Variants in NAV2 observed in about 807,000 individuals in gnomAD.
NAV2 encodes the protein helicase, APC down-regulated 1.
In NAV2, 54 loss-of-function variants were observed where a neutral mutation model predicts 223.2. That is an observed-to-expected ratio of 0.24 (90% confidence interval 0.19 to 0.30). The LOEUF (loss-of-function observed/expected upper bound fraction) is 0.30, where lower values mean the gene tolerates loss of function less well. NAV2 is among the 10% of genes least tolerant of loss of function. The pLI, the probability that NAV2 is intolerant of heterozygous loss-of-function variation, is 1.00. For missense variants in NAV2, 2,806 were observed against 3,147.5 expected (o/e 0.89, Z 2.60); for synonymous variants, 1,279 against 1,239.3 (o/e 1.03, Z -0.67).
intron 1 of NAV2, among the ~76,000 whole-genome samples, chr11:19,372,475 T>C (rs540340254): frequency 3.3e-5 from 5 of 152,242 alleles, no homozygotes; most frequent in Admixed American, 2.6e-4. Flanking sequence ...TTGGCCTGGG[T>C]ATTAAATAGC....
chr11:19,571,758 C>G (rs1318676254), intron 1 of NAV2, among the ~76,000 whole-genome samples: 1 of 151,766 alleles, frequency 6.6e-6, no homozygotes, highest in Non-Finnish European at 1.5e-5. Context: ...GTCGATTTTA[C>G]TTTCATTAAA....
chr11:19,497,514 TCC>T (rs2042834636), intron 1 of NAV2, among the ~76,000 whole-genome samples: 1 of 152,176 alleles, frequency 6.6e-6, no homozygotes, highest in African/African-American at 2.4e-5. Flanking sequence ...TGTTTGCTAT[TCC>T]TTGGCTTTTC....
At chr11:19,616,376 A>G in intron 1 of NAV2, among the ~76,000 whole-genome samples, 1 of 147,658 alleles carries the variant, frequency 6.8e-6, no homozygotes, top group African/African-American at 2.5e-5. Flanking sequence ...GGCCTCCCCT[A>G]TGTGTGTGTA....
At chr11:19,589,577 A>G (rs370472272) in intron 1 of NAV2, among the ~76,000 whole-genome samples, 16 of 152,348 alleles carry the variant, frequency 1.1e-4, no homozygotes, top group African/African-American at 3.4e-4. Context: ...GGGCATATCC[A>G]TATCCACAAT....
At chr11:19,758,817 G>C (rs917348802) in intron 1 of NAV2, among the ~76,000 whole-genome samples, 15 of 152,288 alleles carry the variant, frequency 9.8e-5, no homozygotes, top group African/African-American at 3.6e-4. Context: ...CTTGTGACTA[G>C]ACCCAGCTGG....
At chr11:20,048,482 T>A (rs2057680437) in intron 14 of NAV2, among the ~76,000 whole-genome samples, 1 of 152,228 alleles carries the variant, frequency 6.6e-6, no homozygotes, top group Non-Finnish European at 1.5e-5. Flanking sequence ...CATGGCTCTT[T>A]GGCTCAGATG....
At chr11:19,732,316 C>T (rs1253645218) in intron 1 of NAV2, among the ~76,000 whole-genome samples, 4 of 152,070 alleles carry the variant, frequency 2.6e-5, no homozygotes, top group Non-Finnish European at 5.9e-5. Flanking sequence ...GTTTCAGCGC[C>T]ATCTCTACTG....
chr11:19,605,956 A>T (rs1167165187), intron 1 of NAV2, among the ~76,000 whole-genome samples: 1 of 152,220 alleles, frequency 6.6e-6, no homozygotes, highest in Admixed American at 6.5e-5. Context: ...CAAGAAATCC[A>T]GGGGCCTGTG....
At chr11:19,986,304 G>A (rs1344927159) in intron 11 of NAV2, among the ~76,000 whole-genome samples, 3 of 152,164 alleles carry the variant, frequency 2.0e-5, no homozygotes. Flanking sequence ...AGACTGGAAT[G>A]CTCCGATATG....
chr11:19,505,911 C>T (rs929247333), intron 1 of NAV2: 7 of 152,194 alleles, frequency 4.6e-5, no homozygotes, highest in African/African-American at 1.7e-4. Context: ...GGATGCAAAG[C>T]CACACTAAGT....
Position 20,101,839 on chromosome 11 carries a change from C to T in NAV2, c.6417+667C>T, listed in dbSNP as rs2061663753. 2.0e-5 allele frequency among the ~76,000 whole-genome samples: 3 copies of T among 152,326 alleles called. No homozygotes were observed. The South Asian group carries it at 6.2e-4, about 32-fold the overall frequency. ...AGCCGAGAGTTGGAAAGTGCTTTCT[C>T]AGACCTGTTCATGCATGCATTAGTG... On this transcript the variant is annotated intron_variant, in intron 32 of 37. Coordinates refer to ENST00000349880, the MANE Select transcript of NAV2 (RefSeq NM_145117.5).
At chr11:20,035,798 T>C (rs2056297773) in intron 11 of NAV2, among the ~76,000 whole-genome samples, 161 bp from the exon 12 acceptor site, 1 of 152,202 alleles carries the variant, frequency 6.6e-6, no homozygotes, top group African/African-American at 2.4e-5. Flanking sequence ...ACAGCAATGA[T>C]TGATGTGGAG....
At chr11:19,561,067 T>C (rs2045078228) in intron 1 of NAV2, among the ~76,000 whole-genome samples, 1 of 152,238 alleles carries the variant, frequency 6.6e-6, no homozygotes, top group South Asian at 2.1e-4. Flanking sequence ...TTCTTCTGAA[T>C]ACACCTGGCA....
intron 1 of NAV2, among the ~76,000 whole-genome samples, chr11:19,424,789 G>T (rs1487179618): frequency 6.6e-6 from 1 of 151,982 alleles, no homozygotes; most frequent in Non-Finnish European, 1.5e-5. Flanking sequence ...GACCTCAAGT[G>T]ATCCGCCCAC....
intron 1 of NAV2, among the ~76,000 whole-genome samples, chr11:19,608,700 C>T (rs2046547374): frequency 6.6e-6 from 1 of 152,210 alleles, no homozygotes; most frequent in Non-Finnish European, 1.5e-5. Context: ...GGATTTCCTT[C>T]CCTTTCTTTT....
intron 1 of NAV2, among the ~76,000 whole-genome samples, chr11:19,366,301 C>G (rs930398834): frequency 6.6e-6 from 1 of 152,162 alleles, no homozygotes; most frequent in African/African-American, 2.4e-5. Context: ...AGACTGTGCC[C>G]CTCTGTGGAG....
intron 1 of NAV2, among the ~76,000 whole-genome samples, chr11:19,586,684 C>T (rs2045907624): frequency 6.6e-6 from 1 of 152,214 alleles, no homozygotes; most frequent in African/African-American, 2.4e-5. Context: ...GCAGAGGCTG[C>T]AGAACAGCGA....
intron 31 of NAV2, among the ~76,000 whole-genome samples, chr11:20,098,369 A>G (rs2061420183): frequency 6.6e-6 from 1 of 152,232 alleles, no homozygotes; most frequent in Non-Finnish European, 1.5e-5. Flanking sequence ...AGGCTCTGTC[A>G]TTCAGTGTCC....
intron 37 of NAV2, among the ~76,000 whole-genome samples, chr11:20,116,540 C>T (rs1462181925): frequency 3.3e-5 from 5 of 152,190 alleles, no homozygotes; most frequent in Non-Finnish European, 7.3e-5. Context: ...GAGGTCTTAA[C>T]TTACATAGAA....
Sources: gnomAD v4.1 joint callset for allele counts (sites outside exome capture counted in the v4.1 genomes callset) on GRCh38, gnomAD v4.1.1 for gene constraint, MANE v1.5 for transcripts, NCBI Gene and HGNC (gene_info 2026-07-23, HGNC 2026-07-21) for gene names.